Variants in SAMMSON observed in about 807,000 individuals in gnomAD.
The protein encoded by SAMMSON is survival associated mitochondrial melanoma specific oncogenic non-coding RNA, also known as long intergenic non-protein coding RNA 1212.
At chr3:70,240,935 C>T (rs141232894) in intron 4 of SAMMSON, among the ~76,000 whole-genome samples, 129 of 152,272 alleles carry the variant, frequency 8.5e-4, no homozygotes, top group Middle Eastern at 3.4e-3. Flanking sequence ...GTTGATTCAT[C>T]ATTTGATAAA....
intron 4 of SAMMSON, among the ~76,000 whole-genome samples, chr3:70,216,078 G>C (rs963389013): frequency 6.6e-6 from 1 of 151,716 alleles, no homozygotes; most frequent in Non-Finnish European, 1.5e-5. Flanking sequence ...TAAACACATT[G>C]TTATATTTGT....
At chr3:70,157,491 G>T (rs1374943543) in intron 4 of SAMMSON, among the ~76,000 whole-genome samples, 1 of 152,052 alleles carries the variant, frequency 6.6e-6, no homozygotes, top group African/African-American at 2.4e-5. Flanking sequence ...GTTTAGGAGA[G>T]AAAGGTCCCT....
At chr3:70,408,059 G>A (rs776566297) in intron 2 of SAMMSON, among the ~76,000 whole-genome samples, 10 of 152,172 alleles carry the variant, frequency 6.6e-5, no homozygotes, top group Non-Finnish European at 1.0e-4. Context: ...CTGAAGCCAC[G>A]GCCCAAGCTC....
chr3:70,398,123 G>A (rs1036057677), intron 2 of SAMMSON, among the ~76,000 whole-genome samples: 5 of 151,828 alleles, frequency 3.3e-5, no homozygotes, highest in Non-Finnish European at 5.9e-5. Context: ...GAGCAACTTG[G>A]GAGAAAATTA....
rs542766174 is a variant in SAMMSON at position 70,259,076 on chromosome 3, T to C, written n.674+9406T>C. 4.6e-5 allele frequency among the ~76,000 whole-genome samples: 7 copies of C among 152,318 alleles called. No homozygotes were observed. The East Asian group carries it at 7.7e-4, about 17-fold the overall frequency. ...TGTGCTTATCAGGTCAGTTTGCTCA[T>C]TGAAATTATACGGTACCTCCTGCTA... On this transcript the variant is annotated intron_variant and non_coding_transcript_variant, in intron 6 of 9. Transcript: ENST00000642114.
intron 7 of SAMMSON, chr3:70,291,953 T>C (rs1371838436): frequency 6.6e-6 from 1 of 152,246 alleles, no homozygotes; most frequent in African/African-American, 2.4e-5. Flanking sequence ...GGTCCTGCTT[T>C]ATTTCTCAGA....
At chr3:70,315,111 C>G (rs1702486465) in intron 7 of SAMMSON, among the ~76,000 whole-genome samples, 1 of 152,118 alleles carries the variant, frequency 6.6e-6, no homozygotes, top group Admixed American at 6.6e-5. Flanking sequence ...AGAATAGAAT[C>G]TCTGTACAAG....
chr3:70,080,969 T>C (rs1402814910), intron 4 of SAMMSON, among the ~76,000 whole-genome samples: 1 of 152,218 alleles, frequency 6.6e-6, no homozygotes, highest in Non-Finnish European at 1.5e-5. Context: ...TTGTAATGCC[T>C]ACAAAAGTTG....
At position 70,147,697 on chromosome 3, in the gene SAMMSON, AGAAGAAAACATG is replaced by A. The variant is rs150117165; in HGVS notation, n.507+76135_507+76146del. Among the ~76,000 whole-genome samples the A allele has an allele frequency of 7.7e-3, 1,176 of 152,204 alleles. 9 individuals are homozygous for A. The highest frequency in any genetic ancestry group is 0.026 in the African/African-American group (1,098 of 41,560). On this transcript the variant is annotated intron_variant and non_coding_transcript_variant, in intron 4 of 9. Coordinates refer to ENST00000642114, the Ensembl canonical transcript of SAMMSON. ...CTAAGCATAAAATTATAAATCTTTT[AGAAGAAAACATG>A]GAGGAAAACTTTGTGATCTGTGGTT...
chr3:70,275,836 T>C (rs1270448186), intron 6 of SAMMSON, among the ~76,000 whole-genome samples: 1 of 152,230 alleles, frequency 6.6e-6, no homozygotes, highest in African/African-American at 2.4e-5. Context: ...AGAACTTTTC[T>C]GCTAAAATAT....
intron 4 of SAMMSON, chr3:70,140,362 G>A: frequency 4.7e-6 from 1 of 213,946 alleles, no homozygotes. Context: ...GCCAGGAGTG[G>A]CTAGAGCTCT....
intron 4 of SAMMSON, among the ~76,000 whole-genome samples, chr3:70,113,662 G>A (rs563470200): frequency 2.6e-5 from 4 of 152,190 alleles, no homozygotes; most frequent in East Asian, 3.9e-4. Flanking sequence ...CTGACATGTC[G>A]AAACAAATGT....
intron 4 of SAMMSON, among the ~76,000 whole-genome samples, chr3:70,091,190 C>T (rs911840126): frequency 6.6e-6 from 1 of 152,144 alleles, no homozygotes; most frequent in African/African-American, 2.4e-5. Context: ...TTTGATTAGG[C>T]TGCAACATGG....
intron 4 of SAMMSON, among the ~76,000 whole-genome samples, chr3:70,089,872 C>A (rs532726171): frequency 6.6e-6 from 1 of 152,238 alleles, no homozygotes; most frequent in African/African-American, 2.4e-5. Flanking sequence ...TTTCCCAGCC[C>A]TGCATCTCTC....
At chr3:70,081,065 ATCTATCTCAGCAC>A (rs1221299178) in intron 4 of SAMMSON, among the ~76,000 whole-genome samples, 1 of 152,170 alleles carries the variant, frequency 6.6e-6, no homozygotes, top group Non-Finnish European at 1.5e-5. Context: ...TACTGTCACC[ATCTATCTCAGCAC>A]TCTAATTTCT....
chr3:70,164,746 A>C (rs2067630258), intron 4 of SAMMSON, among the ~76,000 whole-genome samples: 1 of 152,076 alleles, frequency 6.6e-6, no homozygotes, highest in South Asian at 2.1e-4. Context: ...AACCTACCAC[A>C]AAGAATTAAG....
intron 4 of SAMMSON, among the ~76,000 whole-genome samples, chr3:70,141,658 T>A (rs1234007684): frequency 1.3e-5 from 2 of 152,196 alleles, no homozygotes; most frequent in African/African-American, 4.8e-5. Context: ...TTTTTAAATG[T>A]CTTACATTTC....
At chr3:70,085,755 C>A (rs1413517224) in intron 4 of SAMMSON, among the ~76,000 whole-genome samples, 1 of 152,146 alleles carries the variant, frequency 6.6e-6, no homozygotes, top group African/African-American at 2.4e-5. Context: ...CAGCTTCTTA[C>A]AAACTCTACA....
chr3:70,130,275 A>G (rs1055749619), intron 4 of SAMMSON, among the ~76,000 whole-genome samples: 4 of 152,312 alleles, frequency 2.6e-5, no homozygotes, highest in South Asian at 2.1e-4. Flanking sequence ...CTGTCTGTAC[A>G]CGGACCTGAG....
Sources: gnomAD v4.1 joint callset for allele counts (sites outside exome capture counted in the v4.1 genomes callset) on GRCh38, gnomAD v4.1.1 for gene constraint, MANE v1.5 for transcripts, NCBI Gene and HGNC (gene_info 2026-07-23, HGNC 2026-07-21) for gene names.